The following UCHL5 variants were observed in gnomAD, a reference collection of about 807,000 sequenced individuals.
UCHL5 encodes ubiquitin C-terminal hydrolase L5.
Under a neutral mutation model 53.8 loss-of-function variants are expected in UCHL5, and 34 were observed. The observed-to-expected ratio is 0.63, with a 90% confidence interval of 0.48 to 0.84. The LOEUF is 0.84. UCHL5 is among the 40% of genes least tolerant of loss of function. The pLI, the probability that UCHL5 is intolerant of heterozygous loss-of-function variation, is 0.00. For missense variants in UCHL5, 290 were observed against 385.6 expected, an observed-to-expected ratio of 0.75 and a Z score of 2.08; for synonymous variants, 111 against 126.3, an observed-to-expected ratio of 0.88 and a Z score of 0.81.
intron 3 of UCHL5, among the ~76,000 whole-genome samples, chr1:193,030,844 C>T (rs1661111762): frequency 6.6e-6 from 1 of 152,052 alleles, no homozygotes. Context: ...TGAATATCTA[C>T]CAGTTCCTGA....
intron 7 of UCHL5, among the ~76,000 whole-genome samples, chr1:193,025,811 A>G (rs1212787160): frequency 6.6e-6 from 1 of 152,226 alleles, no homozygotes; most frequent in Non-Finnish European, 1.5e-5. Flanking sequence ...ACTAAAATTT[A>G]TATGGGAAGG....
At chr1:193,045,068 C>A (rs1487664553) in intron 3 of UCHL5, among the ~76,000 whole-genome samples, 2 of 152,064 alleles carry the variant, frequency 1.3e-5, no homozygotes, top group African/African-American at 4.8e-5. Context: ...CTTTCTTATA[C>A]CTTAAAAGTA....
At position 193,014,137 on chromosome 1, in the gene UCHL5, A is replaced by G. The variant is rs1654554218; in HGVS notation, c.*2214T>C. 6.6e-6 allele frequency: 1 copy of G among 152,186 alleles called. No individual in the cohort carries two copies. Among genetic ancestry groups the G allele is most frequent in the South Asian group, 2.1e-4 (1 of 4,834 alleles). 9.4% of individuals were successfully genotyped at this position (152,186 alleles called of 1,614,324 possible). A position where few individuals can be genotyped will look rare whatever the true frequency, so the allele number is the denominator to read the frequency against. On this transcript the variant is annotated 3_prime_UTR_variant, in exon 11 of 11. Transcript: ENST00000367454. The stretch of plus-strand genomic sequence containing the variant: ...AAAACTTTCCAAATAGCATTTATCT[A>G]TTTATGGGTTGCTCTTTATTCTTCC...
Position 193,029,633 on chromosome 1 carries a change from G to C in UCHL5, c.271C>G (p.Gln91Glu). The change falls in exon 4 of 11, where the codon CAA becomes GAA. Residue 91 changes from glutamine (Q) to glutamate (E), a missense_variant. Physicochemically the swap from Gln to Glu is conservative, Grantham distance 29 (BLOSUM62 2). Transcript: ENST00000367454. ...KQVINNACAT[Q>E]AIVSVLLNCT... The stretch of plus-strand genomic sequence containing the variant: ...TTCAGTAACACACTCACTATGGCTT[G>C]AGTAGCACAAGCATTATTAATTACC... 1.2e-6 allele frequency: 2 copies of C among 1,608,068 alleles called. No individual in the cohort carries two copies. Among genetic ancestry groups the C allele is most frequent in the Non-Finnish European group, 1.7e-6 (2 of 1,177,668 alleles).
chr1:193,024,534 C>A (rs999061995), intron 7 of UCHL5, among the ~76,000 whole-genome samples: 1 of 149,472 alleles, frequency 6.7e-6, no homozygotes, highest in Admixed American at 6.7e-5. Flanking sequence ...TTTTCCAAGT[C>A]ATGATGAACT....
intron 9 of UCHL5, 126 bp from the exon 10 acceptor site, chr1:193,021,321 A>C: frequency 1.6e-6 from 1 of 619,200 alleles, no homozygotes; most frequent in Non-Finnish European, 2.7e-6. Context: ...AGAAATAATG[A>C]GATTCCATTC....
intron 1 of UCHL5, among the ~76,000 whole-genome samples, chr1:193,053,774 G>A (rs1252957115): frequency 1.3e-5 from 2 of 152,156 alleles, no homozygotes; most frequent in African/African-American, 4.8e-5. Context: ...AAAAAGTTGA[G>A]GAGGGGGGAA....
chr1:193,040,818 A>G (rs1466273249), intron 3 of UCHL5, among the ~76,000 whole-genome samples: 1 of 152,232 alleles, frequency 6.6e-6, no homozygotes, highest in African/African-American at 2.4e-5. Flanking sequence ...AGCCATAAAA[A>G]AGAATGAAAT....
At chr1:193,059,754 A>AG (rs775063451), upstream of UCHL5, 57 of 1,355,716 alleles carry the variant, frequency 4.2e-5, no homozygotes, top group Non-Finnish European at 4.9e-5. This position sits in a 1 kb window ranked among gnomAD's most constrained non-coding sequence, Gnocchi z 4.9. Flanking sequence ...CTGCGGATCC[A>AG]GGGGGTCGGC....
chr1:193,055,609 T>C (rs1305413872), intron 1 of UCHL5, among the ~76,000 whole-genome samples: 1 of 152,242 alleles, frequency 6.6e-6, no homozygotes, highest in African/African-American at 2.4e-5. Flanking sequence ...TAACAGATGT[T>C]AGATTTTGTC....
At chr1:193,037,795 A>G (rs1347299970) in intron 3 of UCHL5, among the ~76,000 whole-genome samples, 1 of 151,758 alleles carries the variant, frequency 6.6e-6, no homozygotes, top group Non-Finnish European at 1.5e-5. Context: ...AAGATTATTT[A>G]CCTAATGGGT....
At chr1:193,032,573 C>G (rs1397066984) in intron 3 of UCHL5, among the ~76,000 whole-genome samples, 1 of 152,168 alleles carries the variant, frequency 6.6e-6, no homozygotes, top group Non-Finnish European at 1.5e-5. Flanking sequence ...AAGAAACTAT[C>G]ATCAGAGTGA....
intron 10 of UCHL5, among the ~76,000 whole-genome samples, chr1:193,020,711 A>T (rs1330324583): frequency 6.6e-6 from 1 of 151,782 alleles, no homozygotes; most frequent in Non-Finnish European, 1.5e-5. Flanking sequence ...TTTTTTTTTT[A>T]AACCCAACAA....
At chr1:193,032,365 T>C (rs931502693) in intron 3 of UCHL5, among the ~76,000 whole-genome samples, 1 of 152,178 alleles carries the variant, frequency 6.6e-6, no homozygotes, top group East Asian at 1.9e-4. Context: ...ACACCATATA[T>C]AAAAATTAAC....
rs1558211192 is a variant in UCHL5 at position 193,059,278 on chromosome 1, GC to G, written c.-19del. 6.2e-7 allele frequency: 1 copy of G among 1,613,526 alleles called. No individual in the cohort carries two copies. The highest frequency in any genetic ancestry group is 8.5e-7 in the Non-Finnish European group (1 of 1,179,820). On this transcript the variant is annotated 5_prime_UTR_variant, in exon 1 of 11. Coordinates refer to ENST00000367454, the MANE Select transcript of UCHL5 (RefSeq NM_001199261.3). The surrounding 1 kb of genome is among the most constrained non-coding windows in gnomAD (Gnocchi z 4.9). Reference sequence around the variant, plus strand: ...CCCGTCATGGCCCTGGCCACACACCGCCCCGATCCACCTCTCGCTCTCAGCT... The same window carrying G: ...CCCGTCATGGCCCTGGCCACACACCGCCCGATCCACCTCTCGCTCTCAGCT...
Position 193,021,896 on chromosome 1 carries a change from T to C in UCHL5, c.844-701A>G, listed in dbSNP as rs1429967053. Among the ~76,000 whole-genome samples, 3 of 152,320 alleles carry C rather than the reference T, an allele frequency of 2.0e-5. No homozygotes were observed. The East Asian group carries it at 5.8e-4, about 29-fold the overall frequency. On this transcript the variant is annotated intron_variant, in intron 9 of 10. Coordinates refer to ENST00000367454, the MANE Select transcript of UCHL5 (RefSeq NM_001199261.3). ...TTTTATAGCAGTATGACAATCATTT[T>C]ATCTTTTTTTAAACAAAGCATTCCC...
At chr1:193,059,858 C>G (rs1442040496), upstream of UCHL5, 1 of 1,363,648 alleles carries the variant, frequency 7.3e-7, no homozygotes, top group Non-Finnish European at 9.8e-7. This position sits in a 1 kb window ranked among gnomAD's most constrained non-coding sequence, Gnocchi z 4.9. Context: ...CTCCATGTCT[C>G]TCACCCGCAT....
intron 3 of UCHL5, among the ~76,000 whole-genome samples, chr1:193,049,080 T>C (rs1457628482): frequency 1.3e-5 from 2 of 152,130 alleles, no homozygotes; most frequent in African/African-American, 2.4e-5. Flanking sequence ...TTTTGTTTTA[T>C]AGAGACGGGT....
At chr1:193,024,195 A>G (rs941398313) in intron 7 of UCHL5, among the ~76,000 whole-genome samples, 1 of 151,918 alleles carries the variant, frequency 6.6e-6, no homozygotes, top group African/African-American at 2.4e-5. Context: ...GTGAGCTATG[A>G]TAGTGCACTA....
Sources: gnomAD v4.1 joint callset for allele counts (sites outside exome capture counted in the v4.1 genomes callset) on GRCh38, gnomAD v4.1.1 for gene constraint, Gnocchi (gnomAD v3.1) non-coding constraint, MANE v1.5 for transcripts, NCBI Gene and HGNC (gene_info 2026-07-23, HGNC 2026-07-21) for gene names.